The following ENTPD6 variants were observed in gnomAD, a reference collection of about 807,000 sequenced individuals.
ENTPD6 encodes the protein CD39 antigen-like 2.
ENTPD6 carries 46 observed loss-of-function variants against 61.5 expected under a neutral mutation model. The observed-to-expected ratio is 0.75, with a 90% CI of 0.59 to 0.96. The LOEUF is 0.96. Ranked by LOEUF, ENTPD6 falls within the 40% of genes least tolerant of loss-of-function variation. The pLI, the probability that ENTPD6 is intolerant of heterozygous loss-of-function variation, is 0.00. For synonymous variants in ENTPD6, 252 were observed against 255.5 expected (o/e 0.99, Z 0.13); for missense variants, 612 against 629.0 (o/e 0.97, Z 0.29).
At chr20:25,214,767 C>A in intron 5 of ENTPD6, 100 bp from the exon 6 acceptor site, 1 of 756,788 alleles carries the variant, frequency 1.3e-6, no homozygotes, top group Non-Finnish European at 2.3e-6. Flanking sequence ...TCGTTCTTCT[C>A]CACCCACACT....
rs1286085437 is a variant in ENTPD6, at chr20:25,203,482, A to T, written c.-15-3040A>T. Among the ~76,000 whole-genome samples the T allele has an allele frequency of 1.2e-4, 19 of 152,162 alleles. 1 individual carries two copies. Among genetic ancestry groups the T allele is most frequent in the Admixed American group, 1.2e-3 (18 of 15,278 alleles). ...TCATTCTTTTTGTTCCTCTGACTTGATATTTTCAAATGTGCTATGTTGAAG... is the reference window on the plus strand; with the variant it reads ...TCATTCTTTTTGTTCCTCTGACTTGTTATTTTCAAATGTGCTATGTTGAAG... On this transcript the variant is annotated intron_variant, in intron 1 of 14. Transcript: ENST00000376652.
intron 3 of ENTPD6, among the ~76,000 whole-genome samples, chr20:25,209,154 G>C (rs1478222691): frequency 1.3e-5 from 2 of 148,588 alleles, no homozygotes; most frequent in Non-Finnish European, 3.0e-5. Flanking sequence ...CTGTCGCCCA[G>C]GCTGGAGTGC....
chr20:25,225,736 A>T lies in ENTPD6; in HGVS notation c.*139A>T, dbSNP rs1014027755. ...TGCACACTGGCTCTGGGACTTGCAG[A>T]AGGCCTGGTGCTGCCCTGGCATCAG... is the stretch of plus-strand genomic sequence containing the variant. On this transcript the variant is annotated 3_prime_UTR_variant, in exon 15 of 15. Transcript: ENST00000376652. 2 of 693,080 alleles carry T rather than the reference A, an allele frequency of 2.9e-6. No individual in the cohort carries two copies. Among genetic ancestry groups the T allele is most frequent in the Non-Finnish European group, 4.9e-6 (2 of 405,420 alleles). 42.9% of individuals were successfully genotyped at this position (693,080 alleles called of 1,614,324 possible).
At chr20:25,202,642 GT>G (rs1233819443) in intron 1 of ENTPD6, among the ~76,000 whole-genome samples, 1 of 152,164 alleles carries the variant, frequency 6.6e-6, no homozygotes, top group Non-Finnish European at 1.5e-5. Context: ...CTTAATTTCA[GT>G]CAGACACAGT....
Position 25,207,066 on chromosome 20 carries a change from T to G in ENTPD6, c.55-10T>G, listed in dbSNP as rs368089294. ...ACGTGCTTTTCCTGCCTCTCCCCCC[T>G]TCCCACCAGCAGCCGCAGCACGGTC... On this transcript the variant is annotated splice_polypyrimidine_tract_variant and intron_variant, in intron 2 of 14. Coordinates refer to ENST00000376652, the MANE Select transcript of ENTPD6 (RefSeq NM_001247.5). 2 of 1,592,954 alleles carry G rather than the reference T, an allele frequency of 1.3e-6. No individual in the cohort carries two copies. The highest frequency in any genetic ancestry group is 1.7e-6 in the Non-Finnish European group (2 of 1,165,018).
rs758268887 is a variant in ENTPD6, at chr20:25,207,136, C to G, written c.115C>G (p.Arg39Gly). 6.2e-7 allele frequency: 1 copy of G among 1,613,686 alleles called. No homozygotes were observed. The highest frequency in any genetic ancestry group is 8.5e-7 in the Non-Finnish European group (1 of 1,179,680). Residue 39 changes from arginine (R) to glycine (G), a missense_variant, in exon 3 of 15, where the codon CGG becomes GGG. Transcript: ENST00000376652. The part of the protein sequence containing the change: ...MRKISNHGSL[R>G]VAKVAYPLGL... ...AAAAATATCCAACCACGGGAGCCTGCGGGTGGCGAAGGTGGCATACCCCCT... is the reference window on the plus strand; with the variant it reads ...AAAAATATCCAACCACGGGAGCCTGGGGGTGGCGAAGGTGGCATACCCCCT...
rs371929126 is a variant in ENTPD6, at chr20:25,218,596, G to A, written c.925G>A (p.Gly309Ser). 4.2e-5 allele frequency: 67 copies of A among 1,606,634 alleles called. 1 individual carries two copies. The highest frequency in any genetic ancestry group is 2.0e-4 in the African/African-American group (15 of 74,914). Residue 309 changes from glycine (G) to serine (S), a missense_variant, in exon 10 of 15, where the codon GGC (glycine) becomes AGC (serine). Physicochemically the swap from Gly to Ser is moderately conservative, Grantham distance 56. Coordinates refer to ENST00000376652, the MANE Select transcript of ENTPD6 (RefSeq NM_001247.5). The part of the protein sequence containing the change: ...LMSARLAILG[G>S]VEGQPAKDGK... ...GTCGGCACGCCTGGCGATCCTGGGC[G>A]GCGTGGAGGGGCAGCCTGGTGAGTG... is the stretch of plus-strand genomic sequence containing the variant.
At chr20:25,215,326 T>C (rs970334842) in intron 6 of ENTPD6, among the ~76,000 whole-genome samples, 3 of 152,252 alleles carry the variant, frequency 2.0e-5, no homozygotes, top group Non-Finnish European at 4.4e-5. Context: ...TAGCTCCTGA[T>C]AGGTCTTCAG....
intron 1 of ENTPD6, among the ~76,000 whole-genome samples, chr20:25,203,658 AT>A (rs1332164585): frequency 6.6e-6 from 1 of 151,868 alleles, no homozygotes; most frequent in African/African-American, 2.4e-5. Flanking sequence ...TTCATTCTTT[AT>A]CTGTTTTCCT....
chr20:25,204,774 G>A (rs773911810), intron 1 of ENTPD6, among the ~76,000 whole-genome samples: 1 of 152,212 alleles, frequency 6.6e-6, no homozygotes, highest in African/African-American at 2.4e-5. Flanking sequence ...CCGGGCTGCC[G>A]CATTCATCAG....
chr20:25,222,796 T>A (rs762416498), intron 11 of ENTPD6, 42 bp from the exon 12 acceptor site: 1 of 1,605,414 alleles, frequency 6.2e-7, no homozygotes, highest in Admixed American at 1.7e-5. Context: ...GAGGCCTGGG[T>A]GCTCGGAGCC....
rs368327763 is a variant in ENTPD6, at chr20:25,214,930, G to A, written c.661G>A (p.Gly221Arg). The change falls in exon 6 of 15, where the codon GGA becomes AGA. Residue 221 changes from glycine (G) to arginine (R), a missense_variant. Physicochemically the swap from Gly to Arg is moderately radical, Grantham distance 125 (BLOSUM62 -2). Coordinates refer to ENST00000376652, the MANE Select transcript of ENTPD6 (RefSeq NM_001247.5). ...GGATGACTGTGTTTCCATCATGAAC[G>A]GAACAGATGAAGGTAAATGGCTGGA... Reference protein sequence around the residue: ...VGDDCVSIMNGTDEGVSAWIT... With the variant: ...VGDDCVSIMNRTDEGVSAWIT... The A allele has an allele frequency of 5.6e-6, 9 of 1,608,570 alleles. No homozygotes were observed. Among genetic ancestry groups the A allele is most frequent in the African/African-American group, 2.7e-5 (2 of 74,762 alleles).
At position 25,224,157 on chromosome 20, in the gene ENTPD6, G is replaced by T; in HGVS notation, c.1243G>T (p.Val415Leu). 1.2e-6 allele frequency: 2 copies of T among 1,611,580 alleles called. No homozygotes were observed. The highest frequency in any genetic ancestry group is 1.7e-6 in the Non-Finnish European group (2 of 1,178,856). ...GGACTTCGAGATCGCAGCCAAGTAC[G>T]GTGAGTGATGCTGCAGGGGCCATCT... ...VGDFEIAAKY[V>L]CRTLETQPQS... The change falls in exon 13 of 15, where the codon GTG (valine) becomes TTG (leucine). Residue 415 changes from valine (V) to leucine (L), a missense_variant and splice_region_variant. Coordinates refer to ENST00000376652, the MANE Select transcript of ENTPD6 (RefSeq NM_001247.5).
At chr20:25,200,110 G>A (rs1187806530) in intron 1 of ENTPD6, among the ~76,000 whole-genome samples, 1 of 152,210 alleles carries the variant, frequency 6.6e-6, no homozygotes, top group Admixed American at 6.5e-5. Context: ...AAGGGTTCCA[G>A]TTTCTCCACA....
chr20:25,227,182 C>T lies in ENTPD6; in HGVS notation c.*1585C>T, dbSNP rs1057176868. ...GACAGGATCTGGCCCTAGGGCCTCCCAGGGCTGCAGCGAATGCTGATGGAG... is the reference window on the plus strand; with the variant it reads ...GACAGGATCTGGCCCTAGGGCCTCCTAGGGCTGCAGCGAATGCTGATGGAG... On this transcript the variant is annotated 3_prime_UTR_variant, in exon 15 of 15. Coordinates refer to ENST00000376652, the MANE Select transcript of ENTPD6 (RefSeq NM_001247.5). 6.6e-6 allele frequency among the ~76,000 whole-genome samples: 1 copy of T among 152,234 alleles called. No homozygotes were observed. The highest frequency in any genetic ancestry group is 6.5e-5 in the Admixed American group (1 of 15,286).
intron 11 of ENTPD6, chr20:25,222,061 A>T (rs570852629): frequency 6.5e-6 from 1 of 154,032 alleles, no homozygotes; most frequent in Admixed American, 6.5e-5. Flanking sequence ...GTGGGGTAAC[A>T]TGGGATCTAA....
In ENTPD6 at chr20:25,219,662, T is replaced by C. The variant is rs567069170; in HGVS notation, c.943+1048T>C. Among the ~76,000 whole-genome samples, 30 of 152,324 alleles carry C rather than the reference T, an allele frequency of 2.0e-4. 1 individual carries two copies. The South Asian group carries it at 3.3e-3, about 17-fold the overall frequency. The stretch of plus-strand genomic sequence containing the variant: ...AGGCCACAGAGGCCTTCCCAAGGCC[T>C]TAGTGTCTGATGTGTGTATGAGGCG... On this transcript the variant is annotated intron_variant, in intron 10 of 14. Coordinates refer to ENST00000376652, the MANE Select transcript of ENTPD6 (RefSeq NM_001247.5).
intron 13 of ENTPD6, 197 bp from the exon 14 acceptor site, chr20:25,225,008 C>T (rs1368100993): frequency 9.6e-6 from 7 of 730,132 alleles, no homozygotes; most frequent in Non-Finnish European, 1.5e-5. Flanking sequence ...GAGCCCAGAC[C>T]CAGTGGCAGC....
chr20:25,212,804 C>T (rs1410515646), intron 4 of ENTPD6, among the ~76,000 whole-genome samples: 1 of 152,290 alleles, frequency 6.6e-6, no homozygotes, highest in Admixed American at 6.5e-5. Context: ...CTCCTGGGTT[C>T]ATGCCATTCT....
Sources: gnomAD v4.1 joint callset for allele counts (sites outside exome capture counted in the v4.1 genomes callset) on GRCh38, gnomAD v4.1.1 for gene constraint, MANE v1.5 for transcripts, NCBI Gene and HGNC (gene_info 2026-07-23, HGNC 2026-07-21) for gene names.